ADGRL3: variants seen among roughly 807,000 people sequenced by gnomAD.
ADGRL3 encodes the protein calcium-independent alpha-latrotoxin receptor 3.
In ADGRL3, 62 loss-of-function variants were observed where a neutral mutation model predicts 153.5. The observed-to-expected ratio is 0.40, with a 90% confidence interval of 0.33 to 0.50. ADGRL3 has a LOEUF of 0.50. Ranked by LOEUF, ADGRL3 falls within the 20% of genes least tolerant of loss-of-function variation. The pLI is 0.47. For synonymous variants in ADGRL3, 710 were observed against 672.5 expected (o/e 1.06, Z -0.86); for missense variants, 1,641 against 1,859.4 (o/e 0.88, Z 2.16).
intron 9 of ADGRL3, among the ~76,000 whole-genome samples, chr4:61,856,950 C>CCCTTTCTTTCTT (rs1554048270): frequency 3.5e-4 from 20 of 57,000 alleles, no homozygotes; most frequent in Non-Finnish European, 4.6e-4. Context: ...CTTTCTTCTT[C>CCCTTTCTTTCTT]TCTTTCTTTC....
In ADGRL3 at chr4:61,384,112, G is replaced by C. The variant is rs144844174; in HGVS notation, c.-174+923G>C. ...ATTCCGTACTTTTTTCTGAGCTTTA[G>C]GAGTAAAGAGTGACTTAAAACTATA... On this transcript the variant is annotated intron_variant, in intron 2 of 26. Coordinates refer to ENST00000683033, the MANE Select transcript of ADGRL3 (RefSeq NM_001387552.1). Among the ~76,000 whole-genome samples, 152 of 151,890 alleles carry C rather than the reference G, an allele frequency of 1.0e-3. No homozygotes were observed. The Middle Eastern group carries it at 0.017, about 17-fold the overall frequency.
rs191611259 is a variant in ADGRL3 at position 61,330,659 on chromosome 4, G to A, written c.-239-52465G>A. 2.6e-5 allele frequency among the ~76,000 whole-genome samples: 4 copies of A among 152,198 alleles called. No homozygotes were observed. The East Asian group carries it at 7.8e-4, about 30-fold the overall frequency. ...GTGTTACAGCTCTTAAAGTTGGCAC[G>A]GACCCAAAGAGTGAGCAGCAGCCAG... On this transcript the variant is annotated intron_variant, in intron 1 of 26. Transcript: ENST00000683033.
At chr4:62,005,011 G>T (rs1273828314) in intron 21 of ADGRL3, among the ~76,000 whole-genome samples, 2 of 152,084 alleles carry the variant, frequency 1.3e-5, no homozygotes, top group African/African-American at 4.8e-5. Context: ...ACATTGTGTG[G>T]AGCTTTGTGT....
intron 2 of ADGRL3, 53 bp downstream of exon 2, chr4:61,383,242 AT>A (rs1414798694): frequency 6.6e-6 from 1 of 151,800 alleles, no homozygotes; most frequent in East Asian, 1.9e-4. Flanking sequence ...TTATTTAAAA[AT>A]ATTTACATTC....
intron 9 of ADGRL3, among the ~76,000 whole-genome samples, chr4:61,859,732 G>A (rs1370017843): frequency 3.9e-5 from 6 of 152,160 alleles, no homozygotes; most frequent in Non-Finnish European, 8.8e-5. Flanking sequence ...GAATAACTGA[G>A]ACTATGTGTC....
intron 8 of ADGRL3, among the ~76,000 whole-genome samples, chr4:61,738,875 T>TA (rs1460189494): frequency 6.6e-6 from 1 of 152,194 alleles, no homozygotes; most frequent in South Asian, 2.1e-4. Context: ...TCAGAGACTC[T>TA]AAGTGAAGTT....
intron 18 of ADGRL3, among the ~76,000 whole-genome samples, chr4:61,981,289 T>C (rs1206666097): frequency 1.3e-5 from 2 of 152,212 alleles, no homozygotes; most frequent in African/African-American, 4.8e-5. Flanking sequence ...TTAAAGTTTG[T>C]AATATGCCTT....
At chr4:61,415,663 G>A (rs1026505533) in intron 2 of ADGRL3, among the ~76,000 whole-genome samples, 1 of 151,944 alleles carries the variant, frequency 6.6e-6, no homozygotes, top group African/African-American at 2.4e-5. Context: ...TCCCTATTCT[G>A]TCATTGTGTA....
intron 6 of ADGRL3, among the ~76,000 whole-genome samples, chr4:61,698,788 C>A (rs1260554871): frequency 1.3e-5 from 2 of 152,110 alleles, no homozygotes; most frequent in Admixed American, 1.3e-4. Context: ...GAGATAATTG[C>A]ATATTACATA....
intron 5 of ADGRL3, among the ~76,000 whole-genome samples, chr4:61,671,681 T>C (rs759483293): frequency 2.6e-5 from 4 of 152,166 alleles, no homozygotes; most frequent in Non-Finnish European, 5.9e-5. Flanking sequence ...CATGACTGAA[T>C]GAATTCTGGG....
chr4:61,481,778 T>C (rs1047768103), intron 2 of ADGRL3, among the ~76,000 whole-genome samples: 1 of 152,076 alleles, frequency 6.6e-6, no homozygotes, highest in East Asian at 1.9e-4. Flanking sequence ...TTTATCTAGT[T>C]GATTAAATAA....
chr4:61,959,683 C>T (rs936508964), intron 17 of ADGRL3, among the ~76,000 whole-genome samples: 6 of 152,020 alleles, frequency 3.9e-5, no homozygotes, highest in East Asian at 1.9e-4. Flanking sequence ...AAGGCTCTAC[C>T]GTTGAACATG....
rs11727610 is a variant in ADGRL3 at position 61,205,590 on chromosome 4, A to G, written c.-240+3825A>G. Among the ~76,000 whole-genome samples, 364 of 152,310 alleles carry G rather than the reference A, an allele frequency of 2.4e-3. 1 individual carries two copies. The highest frequency in any genetic ancestry group is 3.5e-3 in the South Asian group (17 of 4,830). ...GCCCACAGGACATATTTACACTTAG[A>G]TTATTATATTTATGTCTTCTTATTT... is the stretch of plus-strand genomic sequence containing the variant. On this transcript the variant is annotated intron_variant, in intron 1 of 26. Coordinates refer to ENST00000683033, the MANE Select transcript of ADGRL3 (RefSeq NM_001387552.1).
At chr4:62,039,927 G>A (rs985242971) in intron 24 of ADGRL3, among the ~76,000 whole-genome samples, 1 of 151,978 alleles carries the variant, frequency 6.6e-6, no homozygotes, top group African/African-American at 2.4e-5. Context: ...TAATATTTAG[G>A]AGTCTCATTT....
At chr4:61,417,185 T>G (rs564768345) in intron 2 of ADGRL3, among the ~76,000 whole-genome samples, 21 of 152,222 alleles carry the variant, frequency 1.4e-4, no homozygotes, top group African/African-American at 5.1e-4. Flanking sequence ...GGGTTGGGGA[T>G]CCCTGCATTA....
At chr4:62,027,699 G>C (rs1268478547) in intron 21 of ADGRL3, among the ~76,000 whole-genome samples, 3 of 151,858 alleles carry the variant, frequency 2.0e-5, no homozygotes, top group African/African-American at 7.2e-5. Context: ...GCTTTGAATA[G>C]TCTAATAATA....
At chr4:61,452,189 T>C (rs2097683278) in intron 2 of ADGRL3, among the ~76,000 whole-genome samples, 4 of 152,046 alleles carry the variant, frequency 2.6e-5, no homozygotes, top group African/African-American at 9.7e-5. Context: ...CTCCAATGAG[T>C]AGTCGATAAT....
intron 1 of ADGRL3, among the ~76,000 whole-genome samples, chr4:61,298,836 G>C (rs1467904227): frequency 6.6e-6 from 1 of 152,018 alleles, no homozygotes; most frequent in Non-Finnish European, 1.5e-5. Context: ...AATAGAGAAG[G>C]TTATAAAGGG....
intron 1 of ADGRL3, among the ~76,000 whole-genome samples, chr4:61,323,772 T>G (rs1180326739): frequency 6.6e-6 from 1 of 152,172 alleles, no homozygotes; most frequent in Non-Finnish European, 1.5e-5. Context: ...TTTCCTGCTT[T>G]CTTCTGAGCC....
Sources: allele counts gnomAD v4.1 joint callset (sites outside exome capture counted in the v4.1 genomes callset), GRCh38; gene constraint gnomAD v4.1.1; transcripts MANE v1.5; gene names NCBI Gene and HGNC (gene_info 2026-07-23, HGNC 2026-07-21).